ZBTB37: variants seen among roughly 807,000 people sequenced by gnomAD.
The protein encoded by ZBTB37 is zinc finger and BTB domain containing 37.
ZBTB37 carries 15 observed loss-of-function variants against 37.7 expected under a neutral mutation model. The observed-to-expected ratio is 0.40, with a 90% CI of 0.27 to 0.61. ZBTB37 has a LOEUF of 0.61. ZBTB37 is among the 20% of genes least tolerant of loss of function. The pLI is 0.44. For missense variants in ZBTB37, 514 were observed against 641.9 expected (o/e 0.80, Z 2.15); for synonymous variants, 231 against 220.6 (o/e 1.05, Z -0.42).
At chr1:173,874,083 C>G (rs1318847317) in intron 4 of ZBTB37, among the ~76,000 whole-genome samples, 1 of 151,762 alleles carries the variant, frequency 6.6e-6, no homozygotes, top group Non-Finnish European at 1.5e-5. Flanking sequence ...TGGAGAAAAC[C>G]CGTCTCTACT....
At chr1:173,887,803 C>T (rs1232965228), downstream of ZBTB37, 1 of 152,150 alleles carries the variant, frequency 6.6e-6, no homozygotes, top group Non-Finnish European at 1.5e-5. Context: ...CAGGTTGTAC[C>T]TGCACTGGTG....
At chr1:173,868,601 C>A (rs1655201545) in intron 1 of ZBTB37, among the ~76,000 whole-genome samples, 196 bp downstream of exon 1, 1 of 152,194 alleles carries the variant, frequency 6.6e-6, no homozygotes, top group African/African-American at 2.4e-5. Flanking sequence ...CCCGCCCCCT[C>A]GCGGGGCCCC....
At chr1:173,869,848 T>C (rs1454130273) in intron 2 of ZBTB37, among the ~76,000 whole-genome samples, 5 of 152,242 alleles carry the variant, frequency 3.3e-5, no homozygotes, top group African/African-American at 9.6e-5. Flanking sequence ...TGAGATGTTA[T>C]ATTCAGTCTG....
At chr1:173,875,806 T>C (rs939789032) in intron 4 of ZBTB37, among the ~76,000 whole-genome samples, 1 of 151,894 alleles carries the variant, frequency 6.6e-6, no homozygotes, top group African/African-American at 2.4e-5. Context: ...AGATGCGCAC[T>C]ACCATGCCCA....
intron 4 of ZBTB37, among the ~76,000 whole-genome samples, chr1:173,883,707 T>A (rs1572067959): frequency 6.6e-6 from 1 of 152,170 alleles, no homozygotes; most frequent in Admixed American, 6.5e-5. Flanking sequence ...ATGAAACAAA[T>A]AAAATAATCT....
exon 4 of ZBTB37, chr1:173,901,759 C>T (rs1345568773): frequency 6.6e-6 from 1 of 152,152 alleles, no homozygotes; most frequent in African/African-American, 2.4e-5. Flanking sequence ...TTTCCAGGCT[C>T]CTCATAATTT....
At chr1:173,869,915 T>A (rs1338130475) in intron 2 of ZBTB37, among the ~76,000 whole-genome samples, 1 of 152,228 alleles carries the variant, frequency 6.6e-6, no homozygotes, top group Non-Finnish European at 1.5e-5. Context: ...GTTGAACTTC[T>A]GTTTTGATGT....
At chr1:173,880,653 C>T (rs964572672) in intron 4 of ZBTB37, among the ~76,000 whole-genome samples, 5 of 152,188 alleles carry the variant, frequency 3.3e-5, no homozygotes, top group Non-Finnish European at 7.3e-5. Context: ...AATAATCCAC[C>T]TCTTGACAAC....
downstream of ZBTB37, chr1:173,889,136 C>T (rs771975151): frequency 1.3e-5 from 2 of 152,214 alleles, no homozygotes; most frequent in African/African-American, 4.8e-5. Flanking sequence ...ATTAAAACTT[C>T]TGAAAACAAT....
chr1:173,874,031 G>A (rs1452901983), intron 4 of ZBTB37, among the ~76,000 whole-genome samples: 1 of 152,074 alleles, frequency 6.6e-6, no homozygotes, highest in Non-Finnish European at 1.5e-5. Flanking sequence ...CGAGGCAGGT[G>A]GATCACCTGA....
intron 4 of ZBTB37, among the ~76,000 whole-genome samples, chr1:173,877,092 A>G (rs148818904): frequency 7.9e-5 from 12 of 152,356 alleles, no homozygotes; most frequent in Non-Finnish European, 1.8e-4. Flanking sequence ...CATAGAAACG[A>G]TAGTGTAAAA....
chr1:173,880,090 A>ACT, intron 4 of ZBTB37, among the ~76,000 whole-genome samples: 2 of 152,208 alleles, frequency 1.3e-5, no homozygotes, highest in Non-Finnish European at 2.9e-5. Context: ...GGGAAACAGG[A>ACT]ACACAGGATC....
intron 4 of ZBTB37, among the ~76,000 whole-genome samples, chr1:173,884,010 C>T (rs531866250): frequency 2.6e-5 from 4 of 152,096 alleles, no homozygotes; most frequent in South Asian, 2.1e-4. Flanking sequence ...CATATAATTC[C>T]CTCCTACATA....
At position 173,874,996 on chromosome 1, in the gene ZBTB37, A is replaced by G. The variant is rs561967374; in HGVS notation, c.1023+1430A>G. Among the ~76,000 whole-genome samples the G allele has an allele frequency of 9.9e-5, 15 of 152,132 alleles. No homozygotes were observed. In the East Asian group the frequency reaches 2.9e-3, roughly 29 times the overall value. ...AAATATAAAAAAGTAAGATTGTGGA[A>G]CTCTTTCCTGATTATAATAACCACA... On this transcript the variant is annotated intron_variant, in intron 4 of 4. Transcript: ENST00000427304.
chr1:173,873,414 G>A (rs908956983), intron 3 of ZBTB37, 53 bp from the exon 4 acceptor site: 4 of 1,508,234 alleles, frequency 2.7e-6, no homozygotes, highest in East Asian at 4.8e-5. Flanking sequence ...CCATTTTTCA[G>A]GTTCTTTGAT....
At chr1:173,894,745 C>G (rs1017494340) in exon 4 of ZBTB37, 37 of 152,112 alleles carry the variant, frequency 2.4e-4, no homozygotes, top group African/African-American at 8.4e-4. Context: ...AATACCCTAC[C>G]ACTTTATGGA....
At chr1:173,892,168 T>C (rs1656867290) in exon 4 of ZBTB37, 1 of 152,232 alleles carries the variant, frequency 6.6e-6, no homozygotes, top group African/African-American at 2.4e-5. Context: ...CCTAGGATTC[T>C]GATTAACCTG....
At chr1:173,873,896 T>C (rs1655735514) in intron 4 of ZBTB37, among the ~76,000 whole-genome samples, 1 of 152,130 alleles carries the variant, frequency 6.6e-6, no homozygotes, top group South Asian at 2.1e-4. Flanking sequence ...AAGTGATAAA[T>C]TACATGTGGC....
chr1:173,900,876 T>G (rs1657227910), exon 4 of ZBTB37: 1 of 152,218 alleles, frequency 6.6e-6, no homozygotes, highest in Admixed American at 6.5e-5. Context: ...AGTAGCCCCC[T>G]TAGGGTTTTC....
Sources: allele counts gnomAD v4.1 joint callset (sites outside exome capture counted in the v4.1 genomes callset), GRCh38; gene constraint gnomAD v4.1.1; transcripts MANE v1.5; gene names NCBI Gene and HGNC (gene_info 2026-07-23, HGNC 2026-07-21).